ZNF212: variants seen among roughly 807,000 people sequenced by gnomAD.
ZNF212 encodes zinc finger protein 212.
Under a neutral mutation model 47.3 loss-of-function variants are expected in ZNF212, and 32 were observed. The observed-to-expected ratio is 0.68, with a 90% confidence interval of 0.51 to 0.91. ZNF212 has a LOEUF of 0.91. Among genes scored for constraint, ZNF212 ranks in the 40% least tolerant of loss-of-function variants. The pLI is 0.00. For missense variants in ZNF212, 555 were observed against 622.8 expected, an observed-to-expected ratio of 0.89 and a Z score of 1.16; for synonymous variants, 242 against 253.8, an observed-to-expected ratio of 0.95 and a Z score of 0.44.
rs778418445 is a variant in ZNF212, at chr7:149,253,613, A to G, written c.686A>G (p.Asp229Gly). 6 of 1,614,054 alleles carry G rather than the reference A, an allele frequency of 3.7e-6. No individual in the cohort carries two copies. The South Asian group carries it at 4.4e-5, about 12-fold the overall frequency. The change falls in exon 5 of 5, where the codon GAT becomes GGT. Residue 229 changes from aspartate to glycine, a missense_variant. Asp to Gly is a moderately conservative substitution (Grantham distance 94, BLOSUM62 -1). Transcript: ENST00000335870. ...ELQYTQEGPA[D>G]LPGEFSCIAE... ...CAGTATACACAGGAAGGCCCTGCGGATCTTCCTGGAGAGTTCTCATGCATT... is the reference window on the plus strand; with the variant it reads ...CAGTATACACAGGAAGGCCCTGCGGGTCTTCCTGGAGAGTTCTCATGCATT...
At position 149,243,390 on chromosome 7, in the gene ZNF212, C is replaced by T. The variant is rs146165641; in HGVS notation, c.24+3588C>T. Reference sequence around the variant, plus strand: ...CAAAGGTTGCAGTGAGCCAAGATTGCGCCACTGCACTCCAGCCTGGGTGAC... The same window carrying T: ...CAAAGGTTGCAGTGAGCCAAGATTGTGCCACTGCACTCCAGCCTGGGTGAC... On this transcript the variant is annotated intron_variant, in intron 1 of 4. Transcript: ENST00000335870. Among the ~76,000 whole-genome samples, 211 of 128,210 alleles carry T rather than the reference C, an allele frequency of 1.6e-3. 2 individuals carry two copies. Among genetic ancestry groups the T allele is most frequent in the African/African-American group, 2.8e-3 (93 of 33,760 alleles). The allele number at this position is 128,210 out of a possible 152,430, so 84.1% of individuals were successfully genotyped here.
intron 1 of ZNF212, among the ~76,000 whole-genome samples, chr7:149,244,131 C>T (rs1284488986): frequency 1.3e-5 from 2 of 151,184 alleles, no homozygotes; most frequent in Non-Finnish European, 3.0e-5. Context: ...GACAGGGTTT[C>T]ATCATGTTGG....
At chr7:149,251,739 G>A (rs28558540) in intron 3 of ZNF212, among the ~76,000 whole-genome samples, 5,602 of 151,594 alleles carry the variant, frequency 0.037, 187 homozygotes, top group African/African-American at 0.085. Flanking sequence ...ATCCACCCAC[G>A]TCGGCCTCCC....
At chr7:149,240,624 C>G (rs1796574866) in intron 1 of ZNF212, among the ~76,000 whole-genome samples, 1 of 152,134 alleles carries the variant, frequency 6.6e-6, no homozygotes, top group Admixed American at 6.6e-5. Context: ...CTTCCAGCTC[C>G]GACATTCTCA....
At chr7:149,246,813 CTTTTTTTTTT>C (rs71194633) in intron 1 of ZNF212, among the ~76,000 whole-genome samples, 2 of 103,592 alleles carry the variant, frequency 1.9e-5, no homozygotes, top group African/African-American at 3.8e-5. Flanking sequence ...TGTCTGAATT[CTTTTTTTTTT>C]TTTTTTTTTT....
intron 4 of ZNF212, among the ~76,000 whole-genome samples, 188 bp from the exon 5 acceptor site, chr7:149,253,371 T>C (rs113347058): frequency 7.9e-5 from 12 of 152,312 alleles, no homozygotes; most frequent in Admixed American, 5.2e-4. Flanking sequence ...CCAATCAACA[T>C]TGGAAAAACT....
In ZNF212 at chr7:149,253,636, A is replaced by G. The variant is rs750375330; in HGVS notation, c.709A>G (p.Ile237Val). The G allele has an allele frequency of 1.4e-5, 22 of 1,614,084 alleles. No individual in the cohort carries two copies. Among genetic ancestry groups the G allele is most frequent in the Non-Finnish European group, 1.9e-5 (22 of 1,180,040 alleles). ...GGATCTTCCTGGAGAGTTCTCATGC[A>G]TTGCTGAAGAGCAGGCTTTCCTGAG... ...PADLPGEFSCIAEEQAFLSPE... is the reference protein window; with the variant it reads ...PADLPGEFSCVAEEQAFLSPE... The change falls in exon 5 of 5, where the codon ATT (isoleucine) becomes GTT (valine). Residue 237 changes from isoleucine (I) to valine (V), a missense_variant. Transcript: ENST00000335870.
chr7:149,255,276 C>T lies in ZNF212; in HGVS notation c.*861C>T, dbSNP rs1311186900. The T allele has an allele frequency of 6.5e-6, 1 of 153,552 alleles. No homozygotes were observed. The highest frequency in any genetic ancestry group is 1.5e-5 in the Non-Finnish European group (1 of 68,104). 9.5% of individuals were successfully genotyped at this position (153,552 alleles called of 1,614,324 possible). On this transcript the variant is annotated 3_prime_UTR_variant, in exon 5 of 5. Coordinates refer to ENST00000335870, the MANE Select transcript of ZNF212 (RefSeq NM_012256.4). ...ACCCCTCTCCTCTTCCCACCTCCTCCTGGCTATGTTCTGCAGCCTCCCAGA... is the reference window on the plus strand; with the variant it reads ...ACCCCTCTCCTCTTCCCACCTCCTCTTGGCTATGTTCTGCAGCCTCCCAGA...
chr7:149,243,171 A>G (rs780603045), intron 1 of ZNF212, among the ~76,000 whole-genome samples: 18 of 152,126 alleles, frequency 1.2e-4, no homozygotes, highest in African/African-American at 4.1e-4. Flanking sequence ...AGTTGGGTGG[A>G]TCATGAGGTC....
Position 149,253,629 on chromosome 7 carries a change from C to T in ZNF212, c.702C>T (p.Phe234=), listed in dbSNP as rs1585598120. The T allele has an allele frequency of 6.8e-6, 11 of 1,614,208 alleles. No homozygotes were observed. The highest frequency in any genetic ancestry group is 9.3e-6 in the Non-Finnish European group (11 of 1,180,044). Residue 234 remains phenylalanine, a synonymous_variant, in exon 5 of 5, where the codon TTC becomes TTT. Transcript: ENST00000335870. ...GCCCTGCGGATCTTCCTGGAGAGTTCTCATGCATTGCTGAAGAGCAGGCTT... is the reference window on the plus strand; with the variant it reads ...GCCCTGCGGATCTTCCTGGAGAGTTTTCATGCATTGCTGAAGAGCAGGCTT... ...QEGPADLPGE[F]SCIAEEQAFL... is the part of the protein sequence containing the mutation.
intron 1 of ZNF212, among the ~76,000 whole-genome samples, chr7:149,240,529 G>T (rs1167650020): frequency 1.3e-5 from 2 of 152,120 alleles, no homozygotes; most frequent in African/African-American, 4.8e-5. Flanking sequence ...AACTGTGTTC[G>T]CTTCTCTGGG....
chr7:149,250,847 T>C (rs1221905001), intron 3 of ZNF212, 40 bp downstream of exon 3: 2 of 1,611,072 alleles, frequency 1.2e-6, no homozygotes, highest in African/African-American at 2.7e-5. Context: ...GTCTCAGACA[T>C]ACTACAATTC....
chr7:149,248,153 A>G (rs1413359686), intron 1 of ZNF212, among the ~76,000 whole-genome samples: 1 of 152,054 alleles, frequency 6.6e-6, no homozygotes, highest in Non-Finnish European at 1.5e-5. Flanking sequence ...AACACCTCCC[A>G]CGAGACTTCA....
At chr7:149,251,941 T>TAAAAAAAAAAAAAAAA (rs36067111) in intron 3 of ZNF212, among the ~76,000 whole-genome samples, 4 of 109,540 alleles carry the variant, frequency 3.7e-5, no homozygotes, top group African/African-American at 3.5e-5. Flanking sequence ...CTCTGTTGCT[T>TAAAAAAAAAAAAAAAA]AAAAAAAAAA....
rs564395873 is a variant in ZNF212 at position 149,243,085 on chromosome 7, A to G, written c.24+3283A>G. ...ATTGTCAGGATGGGGGAAAAATCCA[A>G]CTAGATGGTTTAAAAGAGTTACAAC... On this transcript the variant is annotated intron_variant, in intron 1 of 4. Transcript: ENST00000335870. 1.1e-3 allele frequency among the ~76,000 whole-genome samples: 172 copies of G among 152,302 alleles called. 2 individuals are homozygous for G. The highest frequency in any genetic ancestry group is 4.0e-3 in the African/African-American group (165 of 41,578).
chr7:149,242,136 C>T (rs1433064472), intron 1 of ZNF212, among the ~76,000 whole-genome samples: 2 of 150,980 alleles, frequency 1.3e-5, no homozygotes, highest in African/African-American at 4.9e-5. Context: ...ATTCTCCTGC[C>T]TCAGCCTCCG....
At chr7:149,253,431 C>A in intron 4 of ZNF212, 128 bp from the exon 5 acceptor site, 3 of 1,173,226 alleles carry the variant, frequency 2.6e-6, no homozygotes, top group Non-Finnish European at 2.3e-6. Context: ...CAGTGTCATC[C>A]TCCTCCACGT....
In ZNF212 at chr7:149,242,021, CTTTTT is replaced by C. The variant is rs34883587; in HGVS notation, c.24+2234_24+2238del. 3.8e-3 allele frequency among the ~76,000 whole-genome samples: 463 copies of C among 121,336 alleles called. 4 individuals carry two copies. Among genetic ancestry groups the C allele is most frequent in the African/African-American group, 0.013 (438 of 32,552 alleles). The allele number at this position is 121,336 out of a possible 152,430, so 79.6% of individuals were successfully genotyped here. On this transcript the variant is annotated intron_variant, in intron 1 of 4. Coordinates refer to ENST00000335870, the MANE Select transcript of ZNF212 (RefSeq NM_012256.4). The stretch of plus-strand genomic sequence containing the variant: ...TCTTTTCTTCTTTTTCTTTTCTTTT[CTTTTT>C]TTTTTTTTTTTTTTGAGAGAGTCTC...
At chr7:149,249,002 T>C (rs1796715814) in intron 1 of ZNF212, among the ~76,000 whole-genome samples, 1 of 152,142 alleles carries the variant, frequency 6.6e-6, no homozygotes, top group African/African-American at 2.4e-5. Flanking sequence ...CTCACTGTGG[T>C]TAGAGAAGCA....
Sources: gnomAD v4.1 joint callset for allele counts (sites outside exome capture counted in the v4.1 genomes callset) on GRCh38, gnomAD v4.1.1 for gene constraint, MANE v1.5 for transcripts, NCBI Gene and HGNC (gene_info 2026-07-23, HGNC 2026-07-21) for gene names.